SELENOF: variants seen among roughly 807,000 people sequenced by gnomAD.
The protein encoded by SELENOF is selenoprotein F, also known as 15 kDa selenoprotein.
SELENOF carries 16 observed loss-of-function variants against 20.5 expected under a neutral mutation model. That is an observed-to-expected ratio of 0.78 (90% CI 0.53 to 1.19). SELENOF has a LOEUF of 1.19. Among genes scored for constraint, SELENOF ranks in the 50% most tolerant of loss-of-function variants. SELENOF has a pLI of 0.00. For missense variants in SELENOF, 215 were observed against 194.2 expected (o/e 1.11, Z -0.64); for synonymous variants, 78 against 74.5 (o/e 1.05, Z -0.24).
intron 1 of SELENOF, among the ~76,000 whole-genome samples, chr1:86,913,517 A>G (rs1660043905): frequency 6.6e-6 from 1 of 152,246 alleles, no homozygotes; most frequent in African/African-American, 2.4e-5. Flanking sequence ...ATCGCACTCA[A>G]GCGCAGCCAG....
chr1:86,872,597 T>C (rs1421890528), intron 3 of SELENOF, among the ~76,000 whole-genome samples: 1 of 150,932 alleles, frequency 6.6e-6, no homozygotes. Flanking sequence ...GTCAGGCTGG[T>C]GTCGAATTCC....
At chr1:86,884,786 C>T (rs542807859) in intron 2 of SELENOF, among the ~76,000 whole-genome samples, 67 of 152,244 alleles carry the variant, frequency 4.4e-4, no homozygotes, top group Non-Finnish European at 8.5e-4. Context: ...TTTAAAAATA[C>T]GAATTAGAGG....
intron 2 of SELENOF, among the ~76,000 whole-genome samples, chr1:86,893,411 T>G (rs1367564194): frequency 5.0e-5 from 7 of 139,100 alleles, no homozygotes; most frequent in Non-Finnish European, 1.1e-4. Flanking sequence ...GTCTAGACCA[T>G]CCTGGCCAAC....
chr1:86,870,694 T>C (rs987021936), intron 3 of SELENOF, among the ~76,000 whole-genome samples: 1 of 152,180 alleles, frequency 6.6e-6, no homozygotes, highest in African/African-American at 2.4e-5. Context: ...CTCGGCGCAC[T>C]GCAAGCTCCG....
At chr1:86,912,218 A>C (rs1049293226) in intron 1 of SELENOF, among the ~76,000 whole-genome samples, 1 of 152,214 alleles carries the variant, frequency 6.6e-6, no homozygotes. Flanking sequence ...GTGATTAACA[A>C]TAAGTGGATG....
chr1:86,873,537 A>C (rs187386471), intron 3 of SELENOF, among the ~76,000 whole-genome samples: 2 of 152,186 alleles, frequency 1.3e-5, no homozygotes, highest in Admixed American at 1.3e-4. Flanking sequence ...TAAGGAACTG[A>C]ATGTTTAGTT....
chr1:86,912,299 G>A (rs563820949), intron 1 of SELENOF, among the ~76,000 whole-genome samples: 1 of 152,284 alleles, frequency 6.6e-6, no homozygotes, highest in East Asian at 1.9e-4. Context: ...TGTAAGGAAA[G>A]GAGTCAAACA....
intron 2 of SELENOF, among the ~76,000 whole-genome samples, chr1:86,898,335 G>A (rs887196448): frequency 6.6e-6 from 1 of 152,048 alleles, no homozygotes; most frequent in Non-Finnish European, 1.5e-5. Flanking sequence ...GAATGACAAG[G>A]GGTTTCAAAG....
chr1:86,892,241 GTTA>G (rs1250643927), intron 2 of SELENOF, among the ~76,000 whole-genome samples: 2 of 152,102 alleles, frequency 1.3e-5, no homozygotes, highest in African/African-American at 4.8e-5. Flanking sequence ...CCCGGCCTAT[GTTA>G]TTATTTAGTA....
At chr1:86,899,997 G>A (rs1005101202) in intron 2 of SELENOF, among the ~76,000 whole-genome samples, 1 of 151,398 alleles carries the variant, frequency 6.6e-6, no homozygotes, top group East Asian at 2.0e-4. Context: ...ATGGGCGGCC[G>A]GGCAGAGACA....
intron 1 of SELENOF, among the ~76,000 whole-genome samples, chr1:86,906,324 A>G (rs1171909277): frequency 6.6e-6 from 1 of 152,238 alleles, no homozygotes; most frequent in African/African-American, 2.4e-5. Flanking sequence ...CAAATGTAAC[A>G]ATGAGCAGAT....
chr1:86,888,152 G>C (rs913703796), intron 2 of SELENOF, among the ~76,000 whole-genome samples: 5 of 151,768 alleles, frequency 3.3e-5, no homozygotes, highest in Non-Finnish European at 7.4e-5. Flanking sequence ...CCCAGCTACT[G>C]GGCAGGCTGA....
chr1:86,869,234 T>G (rs934375371), intron 3 of SELENOF, among the ~76,000 whole-genome samples: 2 of 152,212 alleles, frequency 1.3e-5, no homozygotes, highest in South Asian at 4.1e-4. Context: ...GCAAGTACAC[T>G]TCTAGGACTT....
chr1:86,896,967 A>G (rs993931118), intron 2 of SELENOF, among the ~76,000 whole-genome samples: 14 of 152,158 alleles, frequency 9.2e-5, no homozygotes, highest in African/African-American at 3.4e-4. Context: ...AACTTATGAA[A>G]TACTGTGTGC....
chr1:86,894,170 GTTTTTT>G (rs36023452), intron 2 of SELENOF, among the ~76,000 whole-genome samples: 1 of 132,628 alleles, frequency 7.5e-6, no homozygotes, highest in Non-Finnish European at 1.6e-5. Flanking sequence ...CAACCTGGAG[GTTTTTT>G]TTTTTTTTTT....
At chr1:86,878,824 T>C (rs1444296073) in intron 3 of SELENOF, among the ~76,000 whole-genome samples, 1 of 152,222 alleles carries the variant, frequency 6.6e-6, no homozygotes, top group African/African-American at 2.4e-5. Context: ...AATTTAATAA[T>C]GGTTTTATCA....
chr1:86,894,994 A>G (rs1019073046), intron 2 of SELENOF, among the ~76,000 whole-genome samples: 13 of 152,358 alleles, frequency 8.5e-5, no homozygotes, highest in African/African-American at 3.1e-4. Flanking sequence ...AACGGCACAC[A>G]TTTATAAAGT....
At chr1:86,888,262 CAAA>C (rs11454409) in intron 2 of SELENOF, among the ~76,000 whole-genome samples, 1 of 87,382 alleles carries the variant, frequency 1.1e-5, no homozygotes, top group Non-Finnish European at 2.4e-5. Context: ...GACTCCATCT[CAAA>C]AAAAAAAAAA....
chr1:86,880,188 T>C (rs1659030398), intron 3 of SELENOF, among the ~76,000 whole-genome samples: 1 of 151,600 alleles, frequency 6.6e-6, no homozygotes, highest in Admixed American at 6.6e-5. Flanking sequence ...CAGGCTGGAG[T>C]GCAGTGGCGT....
Sources: allele counts gnomAD v4.1 joint callset (sites outside exome capture counted in the v4.1 genomes callset), GRCh38; gene constraint gnomAD v4.1.1; transcripts MANE v1.5; gene names NCBI Gene and HGNC (gene_info 2026-07-23, HGNC 2026-07-21).